Variants in SPHKAP observed in about 807,000 individuals in gnomAD.
The protein encoded by SPHKAP is A-kinase anchor protein SPHKAP.
In SPHKAP, 67 loss-of-function variants were observed where a neutral mutation model predicts 137.5. The observed-to-expected ratio is 0.49, with a 90% CI of 0.40 to 0.60. The LOEUF (loss-of-function observed/expected upper bound fraction) is 0.60, where lower values mean the gene tolerates loss of function less well. SPHKAP is among the 20% of genes least tolerant of loss of function. The probability of loss-of-function intolerance (pLI) is 0.00; values close to 1 mark genes in which losing one functional copy is unlikely to be tolerated. For missense variants in SPHKAP, 2,097 were observed against 2,069.3 expected, an observed-to-expected ratio of 1.01 and a Z score of -0.26; for synonymous variants, 813 against 785.3, an observed-to-expected ratio of 1.04 and a Z score of -0.59.
chr2:228,083,269 T>G (rs1697420591), intron 3 of SPHKAP, among the ~76,000 whole-genome samples: 1 of 152,264 alleles, frequency 6.6e-6, no homozygotes, highest in African/African-American at 2.4e-5. Flanking sequence ...TAAGAAATGA[T>G]GCCAGAATGG....
chr2:228,004,615 C>A (rs1694055611), intron 7 of SPHKAP, among the ~76,000 whole-genome samples: 2 of 152,148 alleles, frequency 1.3e-5, no homozygotes, highest in South Asian at 4.1e-4. Flanking sequence ...CATGTGTTTG[C>A]TCTTGCTTCT....
At chr2:228,127,857 TA>T (rs1699124812) in intron 2 of SPHKAP, among the ~76,000 whole-genome samples, 1 of 152,124 alleles carries the variant, frequency 6.6e-6, no homozygotes, top group African/African-American at 2.4e-5. Flanking sequence ...CCAATGCATA[TA>T]AAAGTTATGT....
intron 8 of SPHKAP, among the ~76,000 whole-genome samples, chr2:227,995,112 C>T (rs550911497): frequency 6.6e-6 from 1 of 152,288 alleles, no homozygotes; most frequent in South Asian, 2.1e-4. Flanking sequence ...CAATACAACA[C>T]AGTGTGGAAA....
Position 228,019,799 on chromosome 2 carries a change from T to G in SPHKAP, c.1055A>C (p.Asp352Ala), listed in dbSNP as rs777275229. The change falls in exon 7 of 12, where the codon GAT becomes GCT. Residue 352 changes from aspartate to alanine, a missense_variant. Asp to Ala is a moderately radical substitution (Grantham distance 126, BLOSUM62 -2). Coordinates refer to ENST00000392056, the MANE Select transcript of SPHKAP (RefSeq NM_001142644.2). Reference protein sequence around the residue: ...KDAYFSMMDKDVPSACAVAEQ... With the variant: ...KDAYFSMMDKAVPSACAVAEQ... ...TGCCACAGCACATGCAGAAGGTACA[T>G]CTTTATCCATCATGGAGAAATAAGC... 6 of 1,614,026 alleles carry G rather than the reference T, an allele frequency of 3.7e-6. No individual in the cohort carries two copies. Among genetic ancestry groups the G allele is most frequent in the Middle Eastern group, 1.6e-4 (1 of 6,084 alleles).
At chr2:228,150,364 A>G (rs983706000) in intron 1 of SPHKAP, among the ~76,000 whole-genome samples, 3 of 152,124 alleles carry the variant, frequency 2.0e-5, no homozygotes, top group Non-Finnish European at 4.4e-5. Context: ...TTACCTATTT[A>G]TCAAATATTT....
At chr2:228,055,147 A>AAAAAAAAAAAAG (rs1696394059) in intron 3 of SPHKAP, among the ~76,000 whole-genome samples, 1 of 150,416 alleles carries the variant, frequency 6.6e-6, no homozygotes, top group African/African-American at 2.4e-5. Context: ...CACTCCAAAA[A>AAAAAAAAAAAAG]AAAAAAAAAA....
intron 1 of SPHKAP, among the ~76,000 whole-genome samples, chr2:228,136,560 A>G (rs1699444756): frequency 6.6e-6 from 1 of 152,174 alleles, no homozygotes; most frequent in African/African-American, 2.4e-5. Context: ...AGATGGATCC[A>G]GTTACTGGAA....
At chr2:228,161,312 C>T (rs556855254) in intron 1 of SPHKAP, among the ~76,000 whole-genome samples, 1 of 152,346 alleles carries the variant, frequency 6.6e-6, no homozygotes, top group South Asian at 2.1e-4. Flanking sequence ...GGTGAGCTCA[C>T]ATGAGACCTT....
intron 2 of SPHKAP, among the ~76,000 whole-genome samples, chr2:228,122,444 C>G (rs1698941298): frequency 6.6e-6 from 1 of 152,168 alleles, no homozygotes; most frequent in Non-Finnish European, 1.5e-5. Context: ...TTGCTGGAGG[C>G]AACGAGAAGT....
chr2:228,093,172 C>G (rs951992684), intron 3 of SPHKAP, among the ~76,000 whole-genome samples: 1 of 152,156 alleles, frequency 6.6e-6, no homozygotes, highest in Admixed American at 6.6e-5. Context: ...TCCTATACCA[C>G]TAGTGGGAAT....
chr2:228,082,091 A>AAATAAAT (rs1468673471), intron 3 of SPHKAP, among the ~76,000 whole-genome samples: 1 of 152,252 alleles, frequency 6.6e-6, no homozygotes, highest in Non-Finnish European at 1.5e-5. Flanking sequence ...TTTAAAAAAC[A>AAATAAAT]AATAAATACT....
intron 7 of SPHKAP, chr2:227,996,309 T>C (rs1299077811): frequency 6.1e-6 from 1 of 164,948 alleles, no homozygotes; most frequent in African/African-American, 2.4e-5. Flanking sequence ...ACCACTCTTC[T>C]GGATGAGCAC....
At chr2:228,076,942 G>A (rs549139092) in intron 3 of SPHKAP, among the ~76,000 whole-genome samples, 1 of 152,234 alleles carries the variant, frequency 6.6e-6, no homozygotes, top group East Asian at 1.9e-4. Context: ...TTGTGGGACT[G>A]GCCCAGGGTC....
Position 228,018,955 on chromosome 2 carries a change from G to T in SPHKAP, c.1899C>A (p.Tyr633Ter), listed in dbSNP as rs748165969. ...AALVLTRPNTYSSIGDFLDSM... is the reference protein window; with the variant it reads ...AALVLTRPNT ...AGTCCAGAAAGTCTCCAATGCTGCT[G>T]TAGGTATTAGGCCTTGTTAAAACCA... is the stretch of plus-strand genomic sequence containing the variant. The change falls in exon 7 of 12, where the codon TAC becomes TAA. Residue 633 changes from tyrosine (Y) to a stop codon, truncating the protein, a stop_gained. Coordinates refer to ENST00000392056, the MANE Select transcript of SPHKAP (RefSeq NM_001142644.2). LOFTEE classifies it high-confidence loss of function. 6.2e-7 allele frequency: 1 copy of T among 1,614,080 alleles called. No homozygotes were observed. The highest frequency in any genetic ancestry group is 1.3e-5 in the African/African-American group (1 of 74,938).
In SPHKAP at chr2:227,980,853, A is replaced by G. The variant is rs1692968967; in HGVS notation, c.*864T>C. The G allele has an allele frequency of 6.6e-6, 1 of 152,256 alleles. No homozygotes were observed. Among genetic ancestry groups the G allele is most frequent in the East Asian group, 1.9e-4 (1 of 5,196 alleles). 9.4% of individuals were successfully genotyped at this position (152,256 alleles called of 1,614,324 possible). On this transcript the variant is annotated 3_prime_UTR_variant, in exon 12 of 12. Coordinates refer to ENST00000392056, the MANE Select transcript of SPHKAP (RefSeq NM_001142644.2). Reference sequence around the variant, plus strand: ...GCTAACTCAATATATTATTTAAGACAATAATCTCTTTATAATTTACAATAA... The same window carrying G: ...GCTAACTCAATATATTATTTAAGACGATAATCTCTTTATAATTTACAATAA...
chr2:228,057,491 T>G (rs889464957), intron 3 of SPHKAP, among the ~76,000 whole-genome samples: 3 of 151,650 alleles, frequency 2.0e-5, no homozygotes, highest in African/African-American at 7.3e-5. Context: ...CAAGAGAGAG[T>G]CTTCAGGGGG....
chr2:228,131,400 A>G (rs4973616), intron 2 of SPHKAP: 227,229 of 656,844 alleles, frequency 0.35, 39,624 homozygotes, highest in East Asian at 0.51. Context: ...GGGGCCTTAG[A>G]TTTGATTGGC....
In SPHKAP at chr2:228,094,309, G is replaced by A. The variant is rs148809612; in HGVS notation, c.246+14523C>T. 3.8e-3 allele frequency among the ~76,000 whole-genome samples: 586 copies of A among 152,280 alleles called. 2 individuals carry two copies. Among genetic ancestry groups the A allele is most frequent in the Middle Eastern group, 0.014 (4 of 294 alleles). On this transcript the variant is annotated intron_variant, in intron 3 of 11. Coordinates refer to ENST00000392056, the MANE Select transcript of SPHKAP (RefSeq NM_001142644.2). The stretch of plus-strand genomic sequence containing the variant: ...TACTACTAATTTACTCTGTGGCCTT[G>A]AGAAATCTCTTTTCTTCATTGCTGT...
chr2:228,018,886 G>C lies in SPHKAP; in HGVS notation c.1968C>G (p.Thr656=), dbSNP rs544987045. 6.6e-5 allele frequency: 106 copies of C among 1,614,156 alleles called. 1 individual carries two copies. The South Asian group carries it at 1.0e-3, about 15-fold the overall frequency. ...RIMETASKSQ[T]LCSENVVRNE... Reference sequence around the variant, plus strand: ...TCCTGACGACATTTTCTGAGCACAGGGTCTGAGACTTTGAAGCAGTTTCCA... The same window carrying C: ...TCCTGACGACATTTTCTGAGCACAGCGTCTGAGACTTTGAAGCAGTTTCCA... The change falls in exon 7 of 12, where the codon ACC becomes ACG. Residue 656 remains threonine, a synonymous_variant. Coordinates refer to ENST00000392056, the MANE Select transcript of SPHKAP (RefSeq NM_001142644.2).
Sources: allele counts gnomAD v4.1 joint callset (sites outside exome capture counted in the v4.1 genomes callset), GRCh38; gene constraint gnomAD v4.1.1; transcripts MANE v1.5; gene names NCBI Gene and HGNC (gene_info 2026-07-23, HGNC 2026-07-21).